NFIB: variants seen among roughly 807,000 people sequenced by gnomAD.
The protein encoded by NFIB is nuclear factor 1 B-type.
NFIB carries 11 observed loss-of-function variants against 61.5 expected under a neutral mutation model. That is an observed-to-expected ratio of 0.18 (90% CI 0.11 to 0.30). The LOEUF (loss-of-function observed/expected upper bound fraction) is 0.30. NFIB is among the 10% of genes least tolerant of loss of function. The probability of loss-of-function intolerance (pLI) is 1.00; values close to 1 mark genes in which losing one functional copy is unlikely to be tolerated. For synonymous variants in NFIB, 260 were observed against 216.5 expected (o/e 1.20, Z -1.76); for missense variants, 471 against 608.9 (o/e 0.77, Z 2.38).
chr9:14,088,267 G>A lies in NFIB; in HGVS notation c.*42C>T, dbSNP rs1167624827. The A allele has an allele frequency of 5.0e-6, 8 of 1,593,592 alleles. No individual in the cohort carries two copies. The highest frequency in any genetic ancestry group is 6.0e-6 in the Non-Finnish European group (7 of 1,168,154). On this transcript the variant is annotated 3_prime_UTR_variant, in exon 11 of 11. Coordinates refer to ENST00000380953, the MANE Select transcript of NFIB (RefSeq NM_001190737.2). Reference sequence around the variant, plus strand: ...CAAACCGTAATTTTGGACATTGGCCGGTAAGATGGGTGTCCTATTTGACAC... The same window carrying A: ...CAAACCGTAATTTTGGACATTGGCCAGTAAGATGGGTGTCCTATTTGACAC...
the NFIB span, among the ~76,000 whole-genome samples, chr9:14,519,509 T>C: frequency 6.6e-6 from 1 of 152,120 alleles, no homozygotes; most frequent in Non-Finnish European, 1.5e-5. Context: ...GTAGTTTCTG[T>C]TGTGTGTTTT....
the NFIB span, among the ~76,000 whole-genome samples, chr9:14,449,796 T>C: frequency 6.6e-6 from 1 of 151,558 alleles, no homozygotes; most frequent in Non-Finnish European, 1.5e-5. Flanking sequence ...TAGCCAGACA[T>C]GGTGGTGCAT....
intron 2 of NFIB, among the ~76,000 whole-genome samples, chr9:14,180,130 T>G (rs957804535): frequency 5.9e-5 from 9 of 152,190 alleles, no homozygotes; most frequent in African/African-American, 2.2e-4. Context: ...AGCAGATATA[T>G]TCTCTTAAAA....
At chr9:14,202,062 C>T (rs553938123) in intron 2 of NFIB, among the ~76,000 whole-genome samples, 1 of 151,928 alleles carries the variant, frequency 6.6e-6, no homozygotes, top group East Asian at 1.9e-4. Context: ...AAAATGTGCT[C>T]TCTATACAAT....
At chr9:14,229,741 C>T (rs368444016) in intron 2 of NFIB, among the ~76,000 whole-genome samples, 5 of 152,162 alleles carry the variant, frequency 3.3e-5, no homozygotes, top group African/African-American at 9.7e-5. Context: ...CCTCACTGAG[C>T]CAACCATCTT....
Position 14,195,792 on chromosome 9 carries a change from A to G in NFIB, c.563-16012T>C, listed in dbSNP as rs544045534. ...TTATGGCATTAAGGGTATGTATGTC[A>G]CACCATGAAAAACACAATGACATTG... On this transcript the variant is annotated intron_variant, in intron 2 of 10. Coordinates refer to ENST00000380953, the MANE Select transcript of NFIB (RefSeq NM_001190737.2). Among the ~76,000 whole-genome samples the G allele has an allele frequency of 2.0e-4, 30 of 152,310 alleles. 1 individual carries two copies. In the South Asian group the frequency reaches 5.6e-3, roughly 28 times the overall value.
chr9:14,089,453 A>T (rs1353143477), intron 10 of NFIB, among the ~76,000 whole-genome samples: 1 of 152,076 alleles, frequency 6.6e-6, no homozygotes, highest in African/African-American at 2.4e-5. Flanking sequence ...GGATAAAAAA[A>T]ATCAGATCTA....
the NFIB span, among the ~76,000 whole-genome samples, chr9:14,524,811 C>T: frequency 1.3e-5 from 2 of 152,120 alleles, no homozygotes; most frequent in East Asian, 1.9e-4. Flanking sequence ...TCCAGAACAC[C>T]GGCAAAATTC....
intron 2 of NFIB, among the ~76,000 whole-genome samples, chr9:14,261,837 G>A (rs147513643): frequency 1.3e-5 from 2 of 152,258 alleles, no homozygotes; most frequent in African/African-American, 4.8e-5. Flanking sequence ...CTCAGTTAAT[G>A]GAAATTCGGG....
chr9:14,175,889 A>G (rs35340098), intron 3 of NFIB, among the ~76,000 whole-genome samples: 10,592 of 152,256 alleles, frequency 0.07, 681 homozygotes, highest in South Asian at 0.27. Flanking sequence ...GAACTCCAAA[A>G]TAAGACATTA....
At chr9:14,469,421 T>C in the NFIB span, among the ~76,000 whole-genome samples, 15,435 of 152,234 alleles carry the variant, frequency 0.1, 1,158 homozygotes, top group East Asian at 0.28. Context: ...TCTGGATTAC[T>C]GTATTATTCT....
At chr9:14,365,132 A>G (rs2061285091) in intron 1 of NFIB, among the ~76,000 whole-genome samples, 1 of 152,240 alleles carries the variant, frequency 6.6e-6, no homozygotes. Flanking sequence ...TGCACATGCC[A>G]AGGACTTAGT....
chr9:14,351,550 C>T (rs940788236), intron 1 of NFIB, among the ~76,000 whole-genome samples: 7 of 152,214 alleles, frequency 4.6e-5, no homozygotes, highest in African/African-American at 1.7e-4. Flanking sequence ...TCCCATCCTA[C>T]GCTGATGGCC....
chr9:14,206,177 C>CTTT (rs57849439), intron 2 of NFIB, among the ~76,000 whole-genome samples: 138 of 135,238 alleles, frequency 1.0e-3, no homozygotes, highest in African/African-American at 3.4e-3. Flanking sequence ...CTCTCTCTCT[C>CTTT]TTTTTTTTTT....
At chr9:14,389,579 AT>A (rs753713384) in intron 1 of NFIB, among the ~76,000 whole-genome samples, 6 of 152,248 alleles carry the variant, frequency 3.9e-5, no homozygotes, top group Non-Finnish European at 7.3e-5. Flanking sequence ...ACATTAAAAC[AT>A]TACAGCAAAT....
chr9:14,481,193 G>GTA, the NFIB span, among the ~76,000 whole-genome samples: 1 of 30,460 alleles, frequency 3.3e-5, no homozygotes, highest in African/African-American at 1.9e-4. Context: ...GTGTGTGTGT[G>GTA]TGTGTATATA....
At chr9:14,496,979 G>C in the NFIB span, among the ~76,000 whole-genome samples, 1 of 152,130 alleles carries the variant, frequency 6.6e-6, no homozygotes, top group African/African-American at 2.4e-5. Flanking sequence ...GTTCATTGTA[G>C]TCTTTTAGGA....
chr9:14,347,758 GT>G (rs1016536313), intron 1 of NFIB, among the ~76,000 whole-genome samples: 2 of 151,968 alleles, frequency 1.3e-5, no homozygotes, highest in Non-Finnish European at 2.9e-5. Flanking sequence ...GAGTTCCGCG[GT>G]TTTTTTTCCG....
At chr9:14,453,376 T>C in the NFIB span, among the ~76,000 whole-genome samples, 3 of 152,374 alleles carry the variant, frequency 2.0e-5, no homozygotes, top group South Asian at 2.1e-4. Flanking sequence ...AACCACACTA[T>C]GATGTTCCCT....
Sources: gnomAD v4.1 joint callset for allele counts (sites outside exome capture counted in the v4.1 genomes callset) on GRCh38, gnomAD v4.1.1 for gene constraint, MANE v1.5 for transcripts, NCBI Gene and HGNC (gene_info 2026-07-23, HGNC 2026-07-21) for gene names.